PRPF40B: variants seen among roughly 807,000 people sequenced by gnomAD.
PRPF40B encodes the protein pre-mRNA-processing factor 40 homolog B.
A neutral mutation model predicts 124.5 loss-of-function variants in PRPF40B; 56 were observed. The observed-to-expected ratio is 0.45, with a 90% CI of 0.36 to 0.56. The LOEUF (loss-of-function observed/expected upper bound fraction) is 0.56. Ranked by LOEUF, PRPF40B falls within the 20% of genes least tolerant of loss-of-function variation. PRPF40B has a pLI of 0.00. For missense variants in PRPF40B, 1,053 were observed against 1,169.5 expected (o/e 0.90, Z 1.45); for synonymous variants, 443 against 426.4 (o/e 1.04, Z -0.48).
intron 17 of PRPF40B, 55 bp from the exon 18 acceptor site, chr12:49,637,678 C>A: frequency 2.6e-6 from 4 of 1,524,478 alleles, no homozygotes; most frequent in Non-Finnish European, 3.6e-6. Flanking sequence ...TCGGCCCAGC[C>A]CCCAGGCCTT....
chr12:49,629,191 G>T (rs892301736), intron 1 of PRPF40B, among the ~76,000 whole-genome samples: 8 of 152,176 alleles, frequency 5.3e-5, no homozygotes, highest in Non-Finnish European at 7.4e-5. Context: ...ACCATTTCTT[G>T]TGTATCATCT....
intron 1 of PRPF40B, among the ~76,000 whole-genome samples, chr12:49,625,580 C>T (rs1393548788): frequency 6.6e-6 from 1 of 152,098 alleles, no homozygotes; most frequent in Non-Finnish European, 1.5e-5. Flanking sequence ...TGAGATGCCC[C>T]TTAGATGTGA....
chr12:49,635,337 A>G lies in PRPF40B; in HGVS notation c.1167-28A>G. 1 of 1,610,058 alleles carries G rather than the reference A, an allele frequency of 6.2e-7. No homozygotes were observed. ...GGTCCAGGGTCTCTGTTCTCTGTCTACCTACTCACAGCTTATATGCTCCAC... is the reference window on the plus strand; with the variant it reads ...GGTCCAGGGTCTCTGTTCTCTGTCTGCCTACTCACAGCTTATATGCTCCAC... On this transcript the variant is annotated intron_variant, in intron 13 of 25. Coordinates refer to ENST00000548825, the MANE Select transcript of PRPF40B (RefSeq NM_001031698.3). The surrounding 1 kb of genome is among the most constrained non-coding windows in gnomAD (Gnocchi z 4.1).
intron 1 of PRPF40B, among the ~76,000 whole-genome samples, chr12:49,629,003 C>G (rs942226580): frequency 6.6e-6 from 1 of 152,230 alleles, no homozygotes; most frequent in African/African-American, 2.4e-5. Flanking sequence ...CCCTATCACC[C>G]CCTAACTTTC....
intron 1 of PRPF40B, among the ~76,000 whole-genome samples, chr12:49,628,408 G>A (rs1940920051): frequency 6.6e-6 from 1 of 151,986 alleles, no homozygotes. Flanking sequence ...CTACAGGCGT[G>A]TGCCACCACA....
At position 49,630,644 on chromosome 12, in the gene PRPF40B, C is replaced by T. The variant is rs1283625752; in HGVS notation, c.84+19C>T. 7 of 1,208,484 alleles carry T rather than the reference C, an allele frequency of 5.8e-6. No homozygotes were observed. In the East Asian group the frequency reaches 1.2e-4, roughly 20 times the overall value. The allele number at this position is 1,208,484 out of a possible 1,614,324, so 74.9% of individuals were successfully genotyped here. ...ACCCTTCGTAAGTTTTATGTCTTTC[C>T]CTGGGCTTGGCTTTTCCAGCCTGCA... On this transcript the variant is annotated intron_variant, in intron 2 of 25. Coordinates refer to ENST00000548825, the MANE Select transcript of PRPF40B (RefSeq NM_001031698.3).
At chr12:49,629,068 A>G (rs1940991533) in intron 1 of PRPF40B, among the ~76,000 whole-genome samples, 1 of 152,210 alleles carries the variant, frequency 6.6e-6, no homozygotes, top group African/African-American at 2.4e-5. Context: ...GCCTCGGTTC[A>G]CTTACAGTGA....
At chr12:49,623,171 G>C (rs1940350426), upstream of PRPF40B, among the ~76,000 whole-genome samples, 1 of 151,892 alleles carries the variant, frequency 6.6e-6, no homozygotes, top group Non-Finnish European at 1.5e-5. Context: ...CTGTAAAAGA[G>C]CTACACAGCA....
upstream of PRPF40B, chr12:49,623,509 C>T: frequency 8.1e-7 from 1 of 1,235,576 alleles, no homozygotes; most frequent in East Asian, 3.2e-5. Flanking sequence ...CCGGCCCCGC[C>T]CTCCCGGCTG....
chr12:49,637,649 C>G (rs1942023553), intron 17 of PRPF40B, 65 bp downstream of exon 17: 1 of 1,565,382 alleles, frequency 6.4e-7, no homozygotes, highest in Non-Finnish European at 8.8e-7. Flanking sequence ...TCTGCACCCC[C>G]TACTACCGGC....
intron 18 of PRPF40B, chr12:49,641,066 T>G (rs1023276212): frequency 2.6e-5 from 4 of 152,240 alleles, no homozygotes; most frequent in African/African-American, 9.6e-5. Context: ...TGTGCTTAAC[T>G]GACGTGAGAG....
Position 49,633,941 on chromosome 12 carries a change from C to T in PRPF40B, c.661C>T (p.Pro221Ser), listed in dbSNP as rs1592588403. Residue 221 changes from proline to serine, a missense_variant, in exon 10 of 26, where the codon CCT becomes TCT. This residue lies in a region of PRPF40B where 895 missense variants were observed against 1,052.2 expected (regional missense o/e 0.85). Transcript: ENST00000548825. The stretch of plus-strand genomic sequence containing the variant: ...TCAGCCACAGCCACCTCAGCCACAG[C>T]CTGACCCCCCACCTGTGCCTCCTGG... ...TLQPQPPQPQ[P>S]DPPPVPPGPT... 1 of 1,614,244 alleles carries T rather than the reference C, an allele frequency of 6.2e-7. No homozygotes were observed. Among genetic ancestry groups the T allele is most frequent in the East Asian group, 2.2e-5 (1 of 44,884 alleles).
intron 16 of PRPF40B, chr12:49,637,233 T>C: frequency 1.7e-6 from 1 of 577,570 alleles, no homozygotes; most frequent in South Asian, 2.2e-5. Flanking sequence ...TTTCTTTGCA[T>C]CCCGGGACTG....
chr12:49,640,313 GGA>G (rs1384216487), intron 18 of PRPF40B: 1 of 152,236 alleles, frequency 6.6e-6, no homozygotes, highest in Non-Finnish European at 1.5e-5. Context: ...TTGAAAATCA[GGA>G]GAGATGAAGG....
intron 7 of PRPF40B, 151 bp from the exon 8 acceptor site, chr12:49,633,276 G>T: frequency 7.7e-7 from 1 of 1,293,664 alleles, no homozygotes. Context: ...GCCTCCATAG[G>T]ATCTCAAGAA....
At chr12:49,628,194 C>G (rs1202880896) in intron 1 of PRPF40B, among the ~76,000 whole-genome samples, 1 of 152,188 alleles carries the variant, frequency 6.6e-6, no homozygotes, top group Non-Finnish European at 1.5e-5. Flanking sequence ...AAAGATGAGT[C>G]ACATTGGAGA....
chr12:49,630,873 G>A (rs187180207), intron 2 of PRPF40B, among the ~76,000 whole-genome samples: 220 of 152,342 alleles, frequency 1.4e-3, no homozygotes, highest in African/African-American at 4.8e-3. Flanking sequence ...GGTAGGAGAA[G>A]TGGAAGGGAA....
intron 10 of PRPF40B, 80 bp downstream of exon 10, chr12:49,634,172 T>A: frequency 1.3e-6 from 2 of 1,575,918 alleles, no homozygotes; most frequent in Middle Eastern, 2.3e-4. Context: ...CTGCTGGGCC[T>A]CTCTCTCAGG....
At position 49,623,622 on chromosome 12, in the gene PRPF40B, C is replaced by T. The variant is rs927661057; in HGVS notation, c.3+29C>T. On this transcript the variant is annotated intron_variant, in intron 1 of 25. Coordinates refer to ENST00000548825, the MANE Select transcript of PRPF40B (RefSeq NM_001031698.3). ...ACATCCCCGCGCGGGGGTGGAGGGGCTCGGGGCGGTCCCACAGCGCCCCCT... is the reference window on the plus strand; with the variant it reads ...ACATCCCCGCGCGGGGGTGGAGGGGTTCGGGGCGGTCCCACAGCGCCCCCT... 10 of 1,231,594 alleles carry T rather than the reference C, an allele frequency of 8.1e-6. No individual in the cohort carries two copies. In the African/African-American group the frequency reaches 1.2e-4, roughly 15 times the overall value. The allele number at this position is 1,231,594 out of a possible 1,614,324, so 76.3% of individuals were successfully genotyped here.
Sources: gnomAD v4.1 joint callset for allele counts (sites outside exome capture counted in the v4.1 genomes callset) on GRCh38, gnomAD v4.1.1 for gene constraint, gnomAD v4.1.1 regional missense constraint, Gnocchi (gnomAD v3.1) non-coding constraint, MANE v1.5 for transcripts, NCBI Gene and HGNC (gene_info 2026-07-23, HGNC 2026-07-21) for gene names.